Variants in GRID2 observed in about 807,000 individuals in gnomAD.
GRID2 encodes glutamate ionotropic receptor delta type subunit 2, also known as glutamate receptor ionotropic, delta-2.
In GRID2, 33 loss-of-function variants were observed where a neutral mutation model predicts 114.8. That is an observed-to-expected ratio of 0.29 (90% CI 0.22 to 0.38). GRID2 has a LOEUF of 0.38. Ranked by LOEUF, GRID2 falls within the 10% of genes least tolerant of loss-of-function variation. The pLI is 1.00. For missense variants in GRID2, 1,184 were observed against 1,257.7 expected (o/e 0.94, Z 0.89); for synonymous variants, 505 against 449.9 (o/e 1.12, Z -1.55).
chr4:92,503,721 G>A lies in GRID2; in HGVS notation c.89-86410G>A, dbSNP rs1248186039. On this transcript the variant is annotated intron_variant, in intron 1 of 15. Transcript: ENST00000282020. ...TGTATAATTTTACTTTTCTTATAAC[G>A]CTTATAGTTACAACTTAATGCCAGG... 7.9e-5 allele frequency among the ~76,000 whole-genome samples: 12 copies of A among 152,050 alleles called. No individual in the cohort carries two copies. In the South Asian group the frequency reaches 8.3e-4, roughly 11 times the overall value.
chr4:93,757,714 G>A (rs966329990), intron 14 of GRID2, among the ~76,000 whole-genome samples: 1 of 152,188 alleles, frequency 6.6e-6, no homozygotes, highest in African/African-American at 2.4e-5. Flanking sequence ...CCAGCACTTT[G>A]GGAGGCAGAG....
intron 4 of GRID2, among the ~76,000 whole-genome samples, chr4:93,111,585 C>A (rs577298526): frequency 1.3e-5 from 2 of 152,184 alleles, no homozygotes; most frequent in African/African-American, 4.8e-5. Flanking sequence ...TCTCTATGTT[C>A]TAAAATGCCT....
chr4:93,529,318 G>C (rs1731223911), intron 13 of GRID2, among the ~76,000 whole-genome samples: 1 of 152,118 alleles, frequency 6.6e-6, no homozygotes, highest in African/African-American at 2.4e-5. Context: ...CACTCTTCTG[G>C]GTACTATTTA....
At chr4:93,544,704 G>C (rs560353907) in intron 13 of GRID2, among the ~76,000 whole-genome samples, 1 of 151,208 alleles carries the variant, frequency 6.6e-6, no homozygotes, top group Non-Finnish European at 1.5e-5. Flanking sequence ...TTGAACTCGG[G>C]AGGCGGAGAC....
At chr4:92,527,263 A>G (rs1448505761) in intron 1 of GRID2, among the ~76,000 whole-genome samples, 2 of 152,154 alleles carry the variant, frequency 1.3e-5, no homozygotes, top group Non-Finnish European at 1.5e-5. Flanking sequence ...TGATTACATT[A>G]CTACACTAGA....
At chr4:92,936,762 A>C (rs1750704052) in intron 2 of GRID2, among the ~76,000 whole-genome samples, 1 of 146,314 alleles carries the variant, frequency 6.8e-6, no homozygotes, top group Non-Finnish European at 1.5e-5. Context: ...ATAATACATA[A>C]AATTGTGAGG....
At chr4:92,747,688 T>C (rs1737220297) in intron 2 of GRID2, among the ~76,000 whole-genome samples, 1 of 152,160 alleles carries the variant, frequency 6.6e-6, no homozygotes, top group Non-Finnish European at 1.5e-5. Context: ...TGACCTTTCC[T>C]TTTTCCTCAA....
intron 13 of GRID2, among the ~76,000 whole-genome samples, chr4:93,575,052 A>C (rs1047697981): frequency 2.0e-5 from 3 of 152,146 alleles, no homozygotes; most frequent in African/African-American, 4.8e-5. Context: ...CATTTTACAT[A>C]GTGGTTCAGG....
At chr4:93,624,353 G>T (rs1349122072) in intron 13 of GRID2, among the ~76,000 whole-genome samples, 1 of 151,938 alleles carries the variant, frequency 6.6e-6, no homozygotes, top group African/African-American at 2.4e-5. Flanking sequence ...TTTTGCATAG[G>T]ATAAAGTTGT....
At chr4:92,442,032 T>A (rs59222306) in intron 1 of GRID2, among the ~76,000 whole-genome samples, 1 of 150,998 alleles carries the variant, frequency 6.6e-6, no homozygotes, top group African/African-American at 2.4e-5. Context: ...TGTAAGAGGT[T>A]TAGAAGCCTG....
intron 1 of GRID2, among the ~76,000 whole-genome samples, chr4:92,468,657 C>A (rs1409957181): frequency 6.6e-6 from 1 of 151,946 alleles, no homozygotes; most frequent in East Asian, 1.9e-4. Context: ...TGGCTTTGTA[C>A]AGAGAGAGTG....
At chr4:93,101,579 T>A (rs532998657) in intron 3 of GRID2, among the ~76,000 whole-genome samples, 1 of 152,088 alleles carries the variant, frequency 6.6e-6, no homozygotes, top group East Asian at 1.9e-4. Flanking sequence ...TTGGGGTCAG[T>A]TTAGAAATAT....
chr4:93,369,770 T>G (rs900624323), intron 8 of GRID2, among the ~76,000 whole-genome samples: 2 of 152,214 alleles, frequency 1.3e-5, no homozygotes, highest in African/African-American at 2.4e-5. Context: ...ATTACAGGTA[T>G]AAGCCACTGT....
intron 4 of GRID2, among the ~76,000 whole-genome samples, chr4:93,129,775 G>T (rs1046002356): frequency 1.3e-5 from 2 of 151,694 alleles, no homozygotes; most frequent in African/African-American, 4.9e-5. Context: ...CATGGAACCT[G>T]GCAGGGTGTA....
At chr4:93,209,129 G>A (rs896548371) in intron 5 of GRID2, among the ~76,000 whole-genome samples, 4 of 151,832 alleles carry the variant, frequency 2.6e-5, no homozygotes, top group African/African-American at 4.8e-5. Flanking sequence ...TCAGGGGTAC[G>A]TGAGCAAGTT....
chr4:92,324,804 T>C (rs1159857673), intron 1 of GRID2, among the ~76,000 whole-genome samples: 1 of 151,736 alleles, frequency 6.6e-6, no homozygotes, highest in African/African-American at 2.4e-5. Flanking sequence ...TTGAAGGTTT[T>C]AATAGTCAAA....
intron 8 of GRID2, among the ~76,000 whole-genome samples, chr4:93,370,491 G>A (rs200377358): frequency 0.043 from 5,888 of 138,172 alleles, 165 homozygotes; most frequent in Middle Eastern, 0.085. Flanking sequence ...ACACACACAC[G>A]CACACACACA....
intron 2 of GRID2, among the ~76,000 whole-genome samples, chr4:93,062,461 A>G (rs1163320129): frequency 2.0e-5 from 3 of 152,114 alleles, no homozygotes; most frequent in Admixed American, 1.3e-4. Context: ...CTAGATGGTA[A>G]AGATAGTTGT....
chr4:93,255,127 T>A (rs1387388367), intron 8 of GRID2, among the ~76,000 whole-genome samples: 1 of 152,136 alleles, frequency 6.6e-6, no homozygotes, highest in Non-Finnish European at 1.5e-5. Flanking sequence ...AAAAAATAAA[T>A]ACGTGAACAT....
Sources: gnomAD v4.1 joint callset for allele counts (sites outside exome capture counted in the v4.1 genomes callset) on GRCh38, gnomAD v4.1.1 for gene constraint, MANE v1.5 for transcripts, NCBI Gene and HGNC (gene_info 2026-07-23, HGNC 2026-07-21) for gene names.